The following HERPUD2 variants were observed in gnomAD, a reference collection of about 807,000 sequenced individuals.
HERPUD2 encodes the protein HERPUD family member 2.
Under a neutral mutation model 49.9 loss-of-function variants are expected in HERPUD2, and 13 were observed. The ratio of observed to expected loss-of-function variants is 0.26; its 90% CI spans 0.17 to 0.41. HERPUD2 has a LOEUF of 0.41. Ranked by LOEUF, HERPUD2 falls within the 10% of genes least tolerant of loss-of-function variation. HERPUD2 has a pLI of 1.00. For synonymous variants in HERPUD2, 172 were observed against 171.4 expected (o/e 1.00, Z -0.03); for missense variants, 449 against 492.2 (o/e 0.91, Z 0.83).
In HERPUD2 at chr7:35,676,788, A is replaced by C. The variant is rs1583564821; in HGVS notation, c.148-3510T>G. Among the ~76,000 whole-genome samples, 2 of 152,286 alleles carry C rather than the reference A, an allele frequency of 1.3e-5. 1 individual carries two copies. The highest frequency in any genetic ancestry group is 4.1e-4 in the South Asian group (2 of 4,820). On this transcript the variant is annotated intron_variant, in intron 2 of 8. Transcript: ENST00000311350. ...ATCTTTCTTGCTAATGACACTAATAAATACCTGCCATTAGCAAATGTACTA... is the reference window on the plus strand; with the variant it reads ...ATCTTTCTTGCTAATGACACTAATACATACCTGCCATTAGCAAATGTACTA...
intron 5 of HERPUD2, among the ~76,000 whole-genome samples, chr7:35,646,082 A>G (rs1324493554): frequency 6.6e-6 from 1 of 152,252 alleles, no homozygotes; most frequent in East Asian, 1.9e-4. Context: ...ATCTAGCACA[A>G]TAAATATGTT....
At position 35,667,491 on chromosome 7, in the gene HERPUD2, A is replaced by C; in HGVS notation, c.437T>G (p.Leu146Arg). 6.2e-7 allele frequency: 1 copy of C among 1,614,020 alleles called. No homozygotes were observed. The highest frequency in any genetic ancestry group is 8.5e-7 in the Non-Finnish European group (1 of 1,179,918). The change falls in exon 5 of 9, where the codon CTT becomes CGT. Residue 146 changes from leucine to arginine, a missense_variant. Physicochemically the swap from Leu to Arg is moderately radical, Grantham distance 102 (BLOSUM62 -2). Transcript: ENST00000311350. ...SSSEGLRQRT[L>R]PQAQTDQAQS... ...TGCTTGGTCAGTTTGTGCTTGTGGA[A>C]GGGTACGCTGCCTCAATCCTTCTGA...
chr7:35,691,512 A>G (rs1259984232), intron 2 of HERPUD2, among the ~76,000 whole-genome samples: 1 of 152,188 alleles, frequency 6.6e-6, no homozygotes, highest in Non-Finnish European at 1.5e-5. Context: ...AATGTTGATG[A>G]GAGCCATCAA....
chr7:35,634,001 C>T (rs1365474704), intron 8 of HERPUD2, 150 bp from the exon 9 acceptor site: 2 of 717,610 alleles, frequency 2.8e-6, no homozygotes, highest in African/African-American at 1.8e-5. Context: ...TTGATAAATT[C>T]CTCACTGTTC....
In HERPUD2 at chr7:35,656,105, T is replaced by C. The variant is rs1338363440; in HGVS notation, c.494+11329A>G. ...TGAACCAGAGAGACAGAGGTTGCAG[T>C]AAGCTGAGATTGTGCCACTGCACTC... On this transcript the variant is annotated intron_variant, in intron 5 of 8. Coordinates refer to ENST00000311350, the MANE Select transcript of HERPUD2 (RefSeq NM_022373.5). Among the ~76,000 whole-genome samples, 3 of 152,258 alleles carry C rather than the reference T, an allele frequency of 2.0e-5. No individual in the cohort carries two copies. The East Asian group carries it at 5.8e-4, about 29-fold the overall frequency.
At chr7:35,685,625 C>T (rs1304259895) in intron 2 of HERPUD2, among the ~76,000 whole-genome samples, 2 of 151,868 alleles carry the variant, frequency 1.3e-5, no homozygotes, top group African/African-American at 2.4e-5. Flanking sequence ...TGTGCCTGGC[C>T]GGAAATTTTT....
chr7:35,686,377 CG>C (rs1178136458), intron 2 of HERPUD2, among the ~76,000 whole-genome samples: 2 of 147,316 alleles, frequency 1.4e-5, no homozygotes, highest in East Asian at 4.1e-4. Flanking sequence ...TTAGTAGAGA[CG>C]GGGTTTCACC....
At chr7:35,681,831 C>A (rs1429642663) in intron 2 of HERPUD2, among the ~76,000 whole-genome samples, 1 of 151,980 alleles carries the variant, frequency 6.6e-6, no homozygotes, top group Non-Finnish European at 1.5e-5. Flanking sequence ...TAGATTAGCA[C>A]ACTGGAAGAA....
At chr7:35,642,721 C>T (rs1227665556) in intron 5 of HERPUD2, among the ~76,000 whole-genome samples, 4 of 152,130 alleles carry the variant, frequency 2.6e-5, no homozygotes, top group Admixed American at 6.5e-5. Flanking sequence ...AACCAAATAC[C>T]GCATGTTCTC....
chr7:35,655,322 C>T (rs1243567661), intron 5 of HERPUD2, among the ~76,000 whole-genome samples: 5 of 152,166 alleles, frequency 3.3e-5, no homozygotes, highest in Non-Finnish European at 7.3e-5. Context: ...CAAAAATCCT[C>T]AACAAAATAC....
At chr7:35,678,592 C>T (rs1445093536) in intron 2 of HERPUD2, among the ~76,000 whole-genome samples, 5 of 152,134 alleles carry the variant, frequency 3.3e-5, no homozygotes, top group Admixed American at 1.3e-4. Context: ...CGAGCCACCA[C>T]GCCCAGCCTA....
chr7:35,653,726 G>A (rs1785214866), intron 5 of HERPUD2, among the ~76,000 whole-genome samples: 1 of 152,092 alleles, frequency 6.6e-6, no homozygotes, highest in Non-Finnish European at 1.5e-5. Context: ...TGACCACAAC[G>A]GAATAACACT....
At chr7:35,671,505 G>A (rs1242974944) in intron 3 of HERPUD2, among the ~76,000 whole-genome samples, 1 of 151,970 alleles carries the variant, frequency 6.6e-6, no homozygotes, top group African/African-American at 2.4e-5. Flanking sequence ...AAGCATACAA[G>A]TATAAGATGT....
At chr7:35,670,628 T>C (rs1322141728) in intron 3 of HERPUD2, among the ~76,000 whole-genome samples, 1 of 152,068 alleles carries the variant, frequency 6.6e-6, no homozygotes, top group Admixed American at 6.6e-5. Context: ...AACAGCACAA[T>C]CTATAATTTC....
chr7:35,686,822 TGGGGGGGTGG>T (rs1562688715), intron 2 of HERPUD2, among the ~76,000 whole-genome samples: 2 of 2,534 alleles, frequency 7.9e-4, no homozygotes, highest in Middle Eastern at 0.1. Flanking sequence ...GGGGGGGGGG[TGGGGGGGTGG>T]GGGGGGGCGC....
intron 2 of HERPUD2, among the ~76,000 whole-genome samples, chr7:35,675,802 T>C (rs1785747934): frequency 1.3e-5 from 2 of 152,156 alleles, no homozygotes; most frequent in African/African-American, 4.8e-5. Context: ...CACTCTGTTT[T>C]CCAGGCTGAA....
intron 5 of HERPUD2, among the ~76,000 whole-genome samples, chr7:35,661,514 T>C (rs1360539343): frequency 1.3e-5 from 2 of 152,364 alleles, no homozygotes; most frequent in East Asian, 1.9e-4. Flanking sequence ...GAGCATGGAA[T>C]GTTCTTCCAT....
intron 5 of HERPUD2, 146 bp downstream of exon 5, chr7:35,667,288 C>T (rs1330308217): frequency 2.8e-6 from 2 of 711,220 alleles, no homozygotes; most frequent in Admixed American, 5.5e-5. Context: ...TCTTCTTAAC[C>T]CTCTAGTTCT....
chr7:35,636,063 C>T (rs1030816343), intron 6 of HERPUD2, among the ~76,000 whole-genome samples: 1 of 152,066 alleles, frequency 6.6e-6, no homozygotes, highest in Admixed American at 6.5e-5. Context: ...CTGAGGTTTG[C>T]TTATATAATT....
Sources: gnomAD v4.1 joint callset for allele counts (sites outside exome capture counted in the v4.1 genomes callset) on GRCh38, gnomAD v4.1.1 for gene constraint, MANE v1.5 for transcripts, NCBI Gene and HGNC (gene_info 2026-07-23, HGNC 2026-07-21) for gene names.